Variants in CDC27 observed in about 807,000 individuals in gnomAD.
CDC27 encodes cell division cycle 27.
In CDC27, 27 loss-of-function variants were observed where a neutral mutation model predicts 109.7. That is an observed-to-expected ratio of 0.25 (90% confidence interval 0.18 to 0.34). CDC27 has a LOEUF of 0.34. Among genes scored for constraint, CDC27 ranks in the 10% least tolerant of loss-of-function variants. CDC27 has a pLI of 1.00. For synonymous variants in CDC27, 266 were observed against 333.9 expected, an observed-to-expected ratio of 0.80 and a Z score of 2.22; for missense variants, 579 against 960.2, an observed-to-expected ratio of 0.60 and a Z score of 5.25.
intron 4 of CDC27, chr17:47,159,169 T>C: frequency 2.6e-6 from 1 of 390,704 alleles, no homozygotes; most frequent in Admixed American, 4.1e-5. Flanking sequence ...TTAATTCACT[T>C]TATTTTTCTT....
rs115821458 is a variant in CDC27 at position 47,186,698 on chromosome 17, C to T, written c.27+2448G>A. 2.8e-3 allele frequency among the ~76,000 whole-genome samples: 428 copies of T among 152,134 alleles called. 2 individuals carry two copies. Among genetic ancestry groups the T allele is most frequent in the African/African-American group, 9.9e-3 (413 of 41,514 alleles). On this transcript the variant is annotated intron_variant, in intron 1 of 18. Transcript: ENST00000066544. The stretch of plus-strand genomic sequence containing the variant: ...TCTTCTGAGAGGTAGTAATTTGAGA[C>T]GGAGTTTTAATTTAGGCATATATGG...
intron 16 of CDC27, among the ~76,000 whole-genome samples, chr17:47,126,802 A>AT (rs36028247): frequency 0.081 from 12,228 of 151,844 alleles, 563 homozygotes; most frequent in African/African-American, 0.11. Context: ...TATGAAAAAA[A>AT]TTTTTTTTTG....
intron 9 of CDC27, among the ~76,000 whole-genome samples, chr17:47,147,316 G>A (rs1415634272): frequency 1.3e-5 from 2 of 151,200 alleles, no homozygotes; most frequent in East Asian, 2.0e-4. Context: ...GGAGAATGGC[G>A]TGAACCCGGG....
At chr17:47,125,043 G>A (rs566021718) in intron 16 of CDC27, among the ~76,000 whole-genome samples, 43 of 151,440 alleles carry the variant, frequency 2.8e-4, no homozygotes, top group African/African-American at 9.5e-4. Context: ...TCAGCCTCTC[G>A]AGTAGCTGGG....
intron 16 of CDC27, among the ~76,000 whole-genome samples, chr17:47,124,178 A>AACACACACACACACACACACACAC (rs59790354): frequency 1.4e-5 from 2 of 144,392 alleles, no homozygotes; most frequent in African/African-American, 5.2e-5. Context: ...GTACACTGAA[A>AACACACACACACACACACACACAC]ACACACACAC....
intron 15 of CDC27, among the ~76,000 whole-genome samples, chr17:47,131,310 T>A (rs923585049): frequency 6.6e-6 from 1 of 152,248 alleles, no homozygotes; most frequent in Non-Finnish European, 1.5e-5. Context: ...TAGCTAACTA[T>A]AAAAGAAGTT....
intron 4 of CDC27, among the ~76,000 whole-genome samples, chr17:47,168,968 TTA>T: frequency 6.6e-6 from 1 of 150,602 alleles, no homozygotes; most frequent in African/African-American, 2.4e-5. Context: ...ATGGGCAGAG[TTA>T]CTTGTTCTTT....
intron 13 of CDC27, 65 bp from the exon 14 acceptor site, chr17:47,137,425 T>A (rs2062650823): frequency 2.1e-6 from 2 of 933,042 alleles, no homozygotes; most frequent in Non-Finnish European, 3.0e-6. Flanking sequence ...ACCAAATCTA[T>A]GACTAAAATC....
chr17:47,134,656 A>T (rs976393062), intron 14 of CDC27, among the ~76,000 whole-genome samples: 3 of 151,930 alleles, frequency 2.0e-5, no homozygotes, highest in Admixed American at 1.3e-4. Context: ...TTGTATTTTT[A>T]GTAGAGGCGG....
At position 47,120,916 on chromosome 17, in the gene CDC27, A is replaced by G; in HGVS notation, c.*19T>C. 6.3e-7 allele frequency: 1 copy of G among 1,585,788 alleles called. No individual in the cohort carries two copies. The highest frequency in any genetic ancestry group is 1.3e-5 in the African/African-American group (1 of 74,486). On this transcript the variant is annotated 3_prime_UTR_variant, in exon 19 of 19. Transcript: ENST00000066544. ...AGCACTAGTCACACATCCAGTTGTA[A>G]AAGTCTGATTTCCAGAAGTTAAAAT...
At chr17:47,129,553 C>T in intron 15 of CDC27, 32 bp from the exon 16 acceptor site, 2 of 1,507,102 alleles carry the variant, frequency 1.3e-6, no homozygotes, top group East Asian at 4.5e-5. Flanking sequence ...TTAATACTCC[C>T]TCTTGATATT....
At chr17:47,168,144 C>T (rs997375796) in intron 4 of CDC27, among the ~76,000 whole-genome samples, 4 of 152,142 alleles carry the variant, frequency 2.6e-5, no homozygotes, top group South Asian at 4.1e-4. Flanking sequence ...ACTACATAGG[C>T]ATTACTGATT....
intron 3 of CDC27, 134 bp from the exon 4 acceptor site, chr17:47,170,176 C>T: frequency 5.4e-6 from 3 of 551,312 alleles, no homozygotes; most frequent in Non-Finnish European, 9.1e-6. Flanking sequence ...CTTTTCCTTC[C>T]TTCCTTCATC....
In CDC27 at chr17:47,157,315, T is replaced by C; in HGVS notation, c.545A>G (p.Asn182Ser). The stretch of plus-strand genomic sequence containing the variant: ...ATTAGGTACTTGTGTTGTGCAAGAG[T>C]TGGGCAGACAGTTGCTAAAGTTCTG... ...SLQNFSNCLP[N>S]SCTTQVPNHS... The change falls in exon 6 of 19, where the codon AAC becomes AGC. Residue 182 changes from asparagine (N) to serine (S), a missense_variant. Coordinates refer to ENST00000066544, the MANE Select transcript of CDC27 (RefSeq NM_001256.6). The C allele has an allele frequency of 1.2e-6, 2 of 1,613,032 alleles. No individual in the cohort carries two copies. The highest frequency in any genetic ancestry group is 1.7e-6 in the Non-Finnish European group (2 of 1,179,228).
chr17:47,158,998 C>T (rs974448626), intron 4 of CDC27, among the ~76,000 whole-genome samples: 1 of 152,160 alleles, frequency 6.6e-6, no homozygotes, highest in Non-Finnish European at 1.5e-5. Context: ...GTGATCTGCC[C>T]ACCACAGCCT....
intron 1 of CDC27, among the ~76,000 whole-genome samples, chr17:47,186,426 C>T (rs893175857): frequency 6.6e-6 from 1 of 152,168 alleles, no homozygotes; most frequent in Non-Finnish European, 1.5e-5. Flanking sequence ...GGCTTATTTA[C>T]AACTTCATCC....
intron 2 of CDC27, among the ~76,000 whole-genome samples, chr17:47,176,478 C>G (rs561843648): frequency 6.6e-6 from 1 of 152,182 alleles, no homozygotes; most frequent in East Asian, 1.9e-4. Context: ...TTTAAAACCA[C>G]GCTTAGAGTA....
intron 3 of CDC27, among the ~76,000 whole-genome samples, chr17:47,171,283 T>C (rs1299772143): frequency 2.0e-5 from 3 of 152,244 alleles, no homozygotes. Context: ...TAGTTATTGA[T>C]CAGTCTATGG....
intron 9 of CDC27, among the ~76,000 whole-genome samples, 191 bp downstream of exon 9, chr17:47,151,615 G>A (rs1039908692): frequency 6.6e-6 from 1 of 152,152 alleles, no homozygotes. Flanking sequence ...GTTAACTATT[G>A]TCTTCTGTGC....
Sources: allele counts gnomAD v4.1 joint callset (sites outside exome capture counted in the v4.1 genomes callset), GRCh38; gene constraint gnomAD v4.1.1; transcripts MANE v1.5; gene names NCBI Gene and HGNC (gene_info 2026-07-23, HGNC 2026-07-21).